Variants in MMP16 observed in about 807,000 individuals in gnomAD.
MMP16 encodes matrix metallopeptidase 16.
Under a neutral mutation model 67.8 loss-of-function variants are expected in MMP16, and 12 were observed. The observed-to-expected ratio is 0.18, with a 90% CI of 0.11 to 0.29. The LOEUF (loss-of-function observed/expected upper bound fraction) is 0.29, where lower values mean the gene tolerates loss of function less well. MMP16 is among the 10% of genes least tolerant of loss of function. MMP16 has a pLI of 1.00. For synonymous variants in MMP16, 249 were observed against 255.9 expected, an observed-to-expected ratio of 0.97 and a Z score of 0.26; for missense variants, 475 against 765.7, an observed-to-expected ratio of 0.62 and a Z score of 4.48.
intron 4 of MMP16, among the ~76,000 whole-genome samples, chr8:88,162,126 G>C (rs1237993288): frequency 6.6e-6 from 1 of 151,770 alleles, no homozygotes. Flanking sequence ...ACATATTTTT[G>C]TGAATGTGAC....
rs141281113 is a variant in MMP16 at position 88,218,479 on chromosome 8, A to C, written c.133-21173T>G. On this transcript the variant is annotated intron_variant, in intron 1 of 9. Transcript: ENST00000286614. ...AATTTGCTAGAAGAGTAAATCTGAAAATTTCTTACCACACAAGAAAAATTG... is the reference window on the plus strand; with the variant it reads ...AATTTGCTAGAAGAGTAAATCTGAACATTTCTTACCACACAAGAAAAATTG... Among the ~76,000 whole-genome samples, 195 of 152,150 alleles carry C rather than the reference A, an allele frequency of 1.3e-3. 1 individual carries two copies. Among genetic ancestry groups the C allele is most frequent in the African/African-American group, 4.5e-3 (189 of 41,560 alleles).
At chr8:88,228,749 G>A (rs1182367029) in intron 1 of MMP16, among the ~76,000 whole-genome samples, 2 of 152,030 alleles carry the variant, frequency 1.3e-5, no homozygotes, top group Non-Finnish European at 2.9e-5. Flanking sequence ...GCCTGAAATA[G>A]TCTGCATGTA....
At chr8:88,241,212 A>C (rs926866155) in intron 1 of MMP16, among the ~76,000 whole-genome samples, 1 of 152,024 alleles carries the variant, frequency 6.6e-6, no homozygotes, top group South Asian at 2.1e-4. Flanking sequence ...ATATGTAGTG[A>C]TTGCACCTCC....
chr8:88,083,177 T>C (rs540434668), intron 6 of MMP16, among the ~76,000 whole-genome samples: 11 of 151,878 alleles, frequency 7.2e-5, no homozygotes. Context: ...GAAATTAGAA[T>C]GAAAATAATT....
intron 6 of MMP16, among the ~76,000 whole-genome samples, chr8:88,093,407 T>G (rs1353399527): frequency 6.6e-6 from 1 of 151,768 alleles, no homozygotes; most frequent in Non-Finnish European, 1.5e-5. Context: ...AACCAGTCTT[T>G]TGTGATTTTT....
intron 4 of MMP16, among the ~76,000 whole-genome samples, chr8:88,138,353 A>C (rs1380468656): frequency 6.6e-6 from 1 of 151,952 alleles, no homozygotes; most frequent in Non-Finnish European, 1.5e-5. Flanking sequence ...TCCCTAGAGT[A>C]TAGGGCCTAA....
intron 1 of MMP16, among the ~76,000 whole-genome samples, chr8:88,244,807 A>G (rs73692208): frequency 0.044 from 6,627 of 152,230 alleles, 173 homozygotes; most frequent in Admixed American, 0.054. Flanking sequence ...TATGTTAGAG[A>G]AAGATTTTGA....
rs1809000405 is a variant in MMP16 at position 88,094,929 on chromosome 8, GT to G, written c.1084-20187del. ...GAAACTGCTTGTCAAAAGGATTTCA[GT>G]TTTCTTTCTTTGGCCTTCCTAACCA... On this transcript the variant is annotated intron_variant, in intron 6 of 9. Transcript: ENST00000286614. Among the ~76,000 whole-genome samples, 3 of 151,762 alleles carry G rather than the reference GT, an allele frequency of 2.0e-5. No individual in the cohort carries two copies. In the South Asian group the frequency reaches 6.2e-4, roughly 31 times the overall value.
At chr8:88,137,258 T>C (rs1485860933) in intron 4 of MMP16, among the ~76,000 whole-genome samples, 1 of 151,904 alleles carries the variant, frequency 6.6e-6, no homozygotes, top group Admixed American at 6.6e-5. Flanking sequence ...TCTGTTTACA[T>C]TTAGGACTGT....
chr8:88,069,989 A>G (rs1274465868), intron 7 of MMP16, among the ~76,000 whole-genome samples: 1 of 152,176 alleles, frequency 6.6e-6, no homozygotes, highest in Non-Finnish European at 1.5e-5. Flanking sequence ...CTGCAATCCT[A>G]TCTCTTTCTA....
At position 88,129,696 on chromosome 8, in the gene MMP16, TAA is replaced by T. The variant is rs1807994578; in HGVS notation, c.710-10837_710-10836del. On this transcript the variant is annotated intron_variant, in intron 4 of 9. Transcript: ENST00000286614. ...ACTCTCCCAAGCATGTATTTTTTCA[TAA>T]AGATATACAATAGCAAAACTAGACC... Among the ~76,000 whole-genome samples, 4 of 151,702 alleles carry T rather than the reference TAA, an allele frequency of 2.6e-5. No homozygotes were observed. In the South Asian group the frequency reaches 8.3e-4, roughly 31 times the overall value.
intron 6 of MMP16, among the ~76,000 whole-genome samples, chr8:88,109,200 T>TAGTCTTA (rs1809292823): frequency 6.6e-6 from 1 of 151,446 alleles, no homozygotes; most frequent in African/African-American, 2.4e-5. Flanking sequence ...TTCATTTATA[T>TAGTCTTA]AGTCTTTATA....
intron 4 of MMP16, among the ~76,000 whole-genome samples, chr8:88,122,719 G>C (rs1807859751): frequency 6.6e-6 from 1 of 151,554 alleles, no homozygotes; most frequent in Admixed American, 6.6e-5. Context: ...AAGCTAAAGA[G>C]ATATGTGGGA....
chr8:88,229,365 A>T (rs1172997680), intron 1 of MMP16, among the ~76,000 whole-genome samples: 1 of 152,112 alleles, frequency 6.6e-6, no homozygotes, highest in Non-Finnish European at 1.5e-5. Flanking sequence ...CTAAAGCATA[A>T]ACTAAACAAA....
chr8:88,047,851 G>A (rs1808218788), intron 8 of MMP16, among the ~76,000 whole-genome samples: 1 of 152,184 alleles, frequency 6.6e-6, no homozygotes, highest in Non-Finnish European at 1.5e-5. Flanking sequence ...GTTTGAAGGA[G>A]ATAAGGCAGA....
At chr8:88,063,938 C>T (rs1407648000) in intron 7 of MMP16, among the ~76,000 whole-genome samples, 3 of 152,008 alleles carry the variant, frequency 2.0e-5, no homozygotes, top group Admixed American at 6.6e-5. Context: ...ATCCTTTGTG[C>T]CTTATTACTA....
intron 7 of MMP16, among the ~76,000 whole-genome samples, chr8:88,063,690 G>A (rs1317918436): frequency 1.3e-5 from 2 of 151,884 alleles, no homozygotes; most frequent in Admixed American, 6.6e-5. Context: ...AAGCCACACC[G>A]CCAGGTGCTA....
Position 88,207,705 on chromosome 8 carries a change from A to AG in MMP16, c.133-10400_133-10399insC, listed in dbSNP as rs1001993426. 5.9e-5 allele frequency among the ~76,000 whole-genome samples: 9 copies of AG among 151,810 alleles called. No individual in the cohort carries two copies. The South Asian group carries it at 1.2e-3, about 21-fold the overall frequency. The stretch of plus-strand genomic sequence containing the variant: ...AGTAAGGACCATTGTTAAAAAAAAA[A>AG]AAAGAAAGAAAGAAAGATAAGGAAA... On this transcript the variant is annotated intron_variant, in intron 1 of 9. Coordinates refer to ENST00000286614, the MANE Select transcript of MMP16 (RefSeq NM_005941.5).
chr8:88,270,338 T>C (rs1346700421), intron 1 of MMP16, among the ~76,000 whole-genome samples: 1 of 152,144 alleles, frequency 6.6e-6, no homozygotes, highest in Admixed American at 6.5e-5. Context: ...ATTGCTTCTG[T>C]GAATACCAGG....
Sources: gnomAD v4.1 joint callset for allele counts (sites outside exome capture counted in the v4.1 genomes callset) on GRCh38, gnomAD v4.1.1 for gene constraint, MANE v1.5 for transcripts, NCBI Gene and HGNC (gene_info 2026-07-23, HGNC 2026-07-21) for gene names.